Variants in FTCDNL1 observed in about 807,000 individuals in gnomAD.
FTCDNL1 encodes formiminotransferase cyclodeaminase N-terminal like.
Under a neutral mutation model 5.9 loss-of-function variants are expected in FTCDNL1, and 11 were observed. That is an observed-to-expected ratio of 1.87 (90% CI 1.18 to 3.10). The LOEUF is 3.10. Among genes scored for constraint, FTCDNL1 ranks in the 30% most tolerant of loss-of-function variants. FTCDNL1 has a pLI of 0.00. For synonymous variants in FTCDNL1, 58 were observed against 24.8 expected, an observed-to-expected ratio of 2.34 and a Z score of -3.99; for missense variants, 115 against 65.5, an observed-to-expected ratio of 1.76 and a Z score of -2.61.
the FTCDNL1 span, among the ~76,000 whole-genome samples, chr2:199,720,362 C>T: frequency 6.6e-6 from 1 of 152,198 alleles, no homozygotes; most frequent in Non-Finnish European, 1.5e-5. Flanking sequence ...TTAATATTAA[C>T]TTGGATTTGG....
At chr2:199,728,963 G>A in the FTCDNL1 span, among the ~76,000 whole-genome samples, 1 of 152,104 alleles carries the variant, frequency 6.6e-6, no homozygotes, top group African/African-American at 2.4e-5. Flanking sequence ...AGATAATCAG[G>A]GAAGGACTCA....
At chr2:199,773,958 G>A (rs931674059) in intron 3 of FTCDNL1, among the ~76,000 whole-genome samples, 1 of 152,188 alleles carries the variant, frequency 6.6e-6, no homozygotes, top group Non-Finnish European at 1.5e-5. Context: ...AGTGATGCTG[G>A]TCCCTGTCTG....
At chr2:199,814,384 C>A (rs1701225173) in intron 4 of FTCDNL1, among the ~76,000 whole-genome samples, 1 of 152,194 alleles carries the variant, frequency 6.6e-6, no homozygotes, top group Non-Finnish European at 1.5e-5. Flanking sequence ...CAAGTTCCAC[C>A]TCAACAGGAC....
At chr2:199,707,587 C>A in the FTCDNL1 span, among the ~76,000 whole-genome samples, 1 of 151,394 alleles carries the variant, frequency 6.6e-6, no homozygotes, top group East Asian at 1.9e-4. Flanking sequence ...ATATGTATGT[C>A]TCCATTTGGT....
the FTCDNL1 span, among the ~76,000 whole-genome samples, chr2:199,725,289 A>C: frequency 6.6e-6 from 1 of 152,202 alleles, no homozygotes; most frequent in East Asian, 1.9e-4. Flanking sequence ...TGCAAGTGAG[A>C]TGGGTCTCTT....
intron 3 of FTCDNL1, among the ~76,000 whole-genome samples, chr2:199,777,855 C>T (rs1420496399): frequency 1.3e-5 from 2 of 152,030 alleles, no homozygotes; most frequent in Non-Finnish European, 1.5e-5. Flanking sequence ...AGCGTGCAGG[C>T]TTTCTTATCC....
At chr2:199,692,555 T>A in the FTCDNL1 span, among the ~76,000 whole-genome samples, 1 of 152,220 alleles carries the variant, frequency 6.6e-6, no homozygotes, top group African/African-American at 2.4e-5. Flanking sequence ...CTCCTTTCCA[T>A]CCAATGGCCT....
intron 3 of FTCDNL1, among the ~76,000 whole-genome samples, chr2:199,803,243 G>A (rs1700555386): frequency 2.7e-5 from 4 of 149,056 alleles, no homozygotes. Flanking sequence ...TGAGGAAAGA[G>A]TACAGAAGTA....
the FTCDNL1 span, among the ~76,000 whole-genome samples, chr2:199,752,010 G>A: frequency 3.9e-5 from 6 of 151,976 alleles, no homozygotes; most frequent in South Asian, 2.1e-4. Context: ...CACTAAATAC[G>A]GAGGAAGGGA....
chr2:199,759,526 A>G (rs1254179573), downstream of FTCDNL1, among the ~76,000 whole-genome samples: 1 of 152,184 alleles, frequency 6.6e-6, no homozygotes, highest in Non-Finnish European at 1.5e-5. Context: ...CAGCTGTATC[A>G]TACTATGATT....
At chr2:199,796,431 G>A (rs6743271) in intron 3 of FTCDNL1, among the ~76,000 whole-genome samples, 69,357 of 151,988 alleles carry the variant, frequency 0.46, 18,092 homozygotes, top group East Asian at 0.58. Context: ...AAACGGTACC[G>A]TCACTGAAGT....
chr2:199,724,591 C>T, the FTCDNL1 span, among the ~76,000 whole-genome samples: 1 of 152,134 alleles, frequency 6.6e-6, no homozygotes, highest in Non-Finnish European at 1.5e-5. Flanking sequence ...TCTCCTTGTT[C>T]TCACTAGTTT....
chr2:199,708,155 C>A, the FTCDNL1 span, among the ~76,000 whole-genome samples: 1 of 151,818 alleles, frequency 6.6e-6, no homozygotes, highest in East Asian at 1.9e-4. Flanking sequence ...GATAAGTCTA[C>A]TGCTATGTCT....
At chr2:199,684,171 T>C in the FTCDNL1 span, among the ~76,000 whole-genome samples, 192 of 152,364 alleles carry the variant, frequency 1.3e-3, 1 homozygote, top group African/African-American at 4.4e-3. Context: ...AACGTTGCAA[T>C]TTTAGATGGA....
chr2:199,710,811 T>C, the FTCDNL1 span, among the ~76,000 whole-genome samples: 1 of 152,130 alleles, frequency 6.6e-6, no homozygotes, highest in African/African-American at 2.4e-5. Flanking sequence ...AGGAAAATTC[T>C]CAAAAATAGT....
downstream of FTCDNL1, among the ~76,000 whole-genome samples, chr2:199,809,200 A>T (rs1203449698): frequency 6.6e-6 from 1 of 152,034 alleles, no homozygotes; most frequent in African/African-American, 2.4e-5. Flanking sequence ...AAATGTAAGT[A>T]AAAAAAATTA....
intron 3 of FTCDNL1, among the ~76,000 whole-genome samples, chr2:199,781,766 TC>T (rs1363708723): frequency 8.1e-6 from 1 of 124,112 alleles, no homozygotes; most frequent in Non-Finnish European, 1.8e-5. Flanking sequence ...TGTTTTTTTT[TC>T]TTGTTTTTTG....
At chr2:199,736,338 A>G in the FTCDNL1 span, among the ~76,000 whole-genome samples, 1 of 152,158 alleles carries the variant, frequency 6.6e-6, no homozygotes, top group Non-Finnish European at 1.5e-5. Flanking sequence ...TCCTTGGATC[A>G]TTTACCTGCC....
chr2:199,830,025 G>A (rs1467323486), intron 3 of FTCDNL1, among the ~76,000 whole-genome samples: 2 of 151,342 alleles, frequency 1.3e-5, no homozygotes, highest in African/African-American at 4.9e-5. Context: ...CATATCACCT[G>A]AGACTCAAAT....
Sources: gnomAD v4.1 joint callset for allele counts (sites outside exome capture counted in the v4.1 genomes callset) on GRCh38, gnomAD v4.1.1 for gene constraint, MANE v1.5 for transcripts, NCBI Gene and HGNC (gene_info 2026-07-23, HGNC 2026-07-21) for gene names.